Variants in PRPF6 observed in about 807,000 individuals in gnomAD.
PRPF6 encodes the protein pre-mRNA-processing factor 6.
PRPF6 carries 42 observed loss-of-function variants against 118.3 expected under a neutral mutation model. The ratio of observed to expected loss-of-function variants is 0.35; its 90% CI spans 0.28 to 0.46. The LOEUF (loss-of-function observed/expected upper bound fraction) is 0.46. PRPF6 is among the 20% of genes least tolerant of loss of function. PRPF6 has a pLI of 1.00. For synonymous variants in PRPF6, 481 were observed against 485.1 expected (o/e 0.99, Z 0.11); for missense variants, 662 against 1,255.7 (o/e 0.53, Z 7.15).
intron 3 of PRPF6, among the ~76,000 whole-genome samples, chr20:63,985,296 C>T (rs2059088393): frequency 6.6e-6 from 1 of 151,532 alleles, no homozygotes; most frequent in Non-Finnish European, 1.5e-5. Context: ...GAGGTAGAAA[C>T]TGCAGTGAGC....
intron 4 of PRPF6, among the ~76,000 whole-genome samples, 183 bp from the exon 5 acceptor site, chr20:63,994,733 T>A (rs549577672): frequency 6.6e-6 from 1 of 152,320 alleles, no homozygotes; most frequent in South Asian, 2.1e-4. Flanking sequence ...ATTGTGCCAC[T>A]GAATCCAGCC....
intron 11 of PRPF6, among the ~76,000 whole-genome samples, chr20:64,016,383 C>A (rs545250919): frequency 2.6e-5 from 4 of 152,182 alleles, no homozygotes; most frequent in South Asian, 4.2e-4. Context: ...CTCGACCTCC[C>A]AAAGTGCTGG....
rs376119725 is a variant in PRPF6, at chr20:64,024,547, T to C, written c.1770-8T>C. On this transcript the variant is annotated splice_polypyrimidine_tract_variant and splice_region_variant and intron_variant, in intron 13 of 20. Coordinates refer to ENST00000266079, the MANE Select transcript of PRPF6 (RefSeq NM_012469.4). ...TGCCTCTGGTGACCGTGGCCTCTTA[T>C]CTTGCAGGGAGTCCCTGGAAGCACT... is the stretch of plus-strand genomic sequence containing the variant. 1.2e-6 allele frequency: 2 copies of C among 1,613,328 alleles called. No individual in the cohort carries two copies. The highest frequency in any genetic ancestry group is 1.7e-6 in the Non-Finnish European group (2 of 1,179,988).
chr20:64,002,014 GTTTTTTTT>G (rs386394238), intron 9 of PRPF6, among the ~76,000 whole-genome samples: 3 of 83,264 alleles, frequency 3.6e-5, no homozygotes. Flanking sequence ...TTTTTTTCTG[GTTTTTTTT>G]TTTTTTTTTT....
chr20:63,992,424 G>C (rs141856416), intron 3 of PRPF6, among the ~76,000 whole-genome samples: 233 of 152,114 alleles, frequency 1.5e-3, no homozygotes, highest in African/African-American at 5.2e-3. Context: ...ACCACGCCTG[G>C]CTAATTTTCA....
At chr20:64,025,788 C>T (rs1320406507) in intron 14 of PRPF6, 151 bp from the exon 15 acceptor site, 14 of 1,408,830 alleles carry the variant, frequency 9.9e-6, no homozygotes, top group Non-Finnish European at 1.4e-5. Flanking sequence ...TCGGCTCTGT[C>T]ATCTCCTCCC....
chr20:64,007,830 T>A (rs534519338), intron 9 of PRPF6, among the ~76,000 whole-genome samples: 2 of 152,046 alleles, frequency 1.3e-5, no homozygotes, highest in Non-Finnish European at 2.9e-5. Flanking sequence ...CAGGCTAGAG[T>A]GCAGTGTCAC....
chr20:64,025,152 C>T (rs1285924490), intron 14 of PRPF6, among the ~76,000 whole-genome samples: 1 of 152,174 alleles, frequency 6.6e-6, no homozygotes, highest in Non-Finnish European at 1.5e-5. Flanking sequence ...AAGTCTGTTA[C>T]TGTAGCTCAG....
chr20:64,016,926 C>T, intron 12 of PRPF6, 81 bp downstream of exon 12: 2 of 1,559,496 alleles, frequency 1.3e-6, no homozygotes, highest in South Asian at 1.1e-5. Context: ...AACTACTAGG[C>T]TATTTTAAAA....
intron 1 of PRPF6, 61 bp downstream of exon 1, chr20:63,981,377 G>A (rs1601504324): frequency 5.4e-6 from 8 of 1,477,770 alleles, no homozygotes; most frequent in South Asian, 1.2e-5. Flanking sequence ...AGTGCTTTGG[G>A]GCGTGTTTGG....
At position 63,981,209 on chromosome 20, in the gene PRPF6, A is replaced by T. The variant is rs1185145433; in HGVS notation, c.-37A>T. 1 of 1,580,266 alleles carries T rather than the reference A, an allele frequency of 6.3e-7. No homozygotes were observed. Among genetic ancestry groups the T allele is most frequent in the Non-Finnish European group, 8.6e-7 (1 of 1,161,244 alleles). On this transcript the variant is annotated 5_prime_UTR_variant, in exon 1 of 21. Coordinates refer to ENST00000266079, the MANE Select transcript of PRPF6 (RefSeq NM_012469.4). Reference sequence around the variant, plus strand: ...GCGTCTTTCCCTCTTCCGCTGCCTCATTCCTTTCCTTCCTAGCCTTGGTCG... The same window carrying T: ...GCGTCTTTCCCTCTTCCGCTGCCTCTTTCCTTTCCTTCCTAGCCTTGGTCG...
At chr20:63,995,164 G>A in intron 5 of PRPF6, 72 bp downstream of exon 5, 1 of 1,607,210 alleles carries the variant, frequency 6.2e-7, no homozygotes, top group South Asian at 1.1e-5. Flanking sequence ...GGTGGGTGGT[G>A]TTGGATTCAA....
At chr20:64,030,052 G>A (rs1482924053) in intron 19 of PRPF6, among the ~76,000 whole-genome samples, 3 of 152,258 alleles carry the variant, frequency 2.0e-5, no homozygotes, top group Non-Finnish European at 2.9e-5. Context: ...AGGCAGCAGC[G>A]GGTAGCCATG....
rs906347878 is a variant in PRPF6, at chr20:63,999,039, T to C, written c.772-6T>C. On this transcript the variant is annotated splice_polypyrimidine_tract_variant and splice_region_variant and intron_variant, in intron 6 of 20. Transcript: ENST00000266079. ...CAGCTGACTCTTAGCTTGGCCTGTC[T>C]CACAGGTGTCTGACTCCGTGAGTGG... 1 of 1,612,114 alleles carries C rather than the reference T, an allele frequency of 6.2e-7. No homozygotes were observed. Among genetic ancestry groups the C allele is most frequent in the Non-Finnish European group, 8.5e-7 (1 of 1,178,698 alleles).
intron 1 of PRPF6, 60 bp downstream of exon 1, chr20:63,981,376 G>A: frequency 6.8e-7 from 1 of 1,477,160 alleles, no homozygotes; most frequent in Non-Finnish European, 9.2e-7. Flanking sequence ...CAGTGCTTTG[G>A]GGCGTGTTTG....
Position 64,028,547 on chromosome 20 carries a change from G to A in PRPF6, c.2409G>A (p.Ala803=), listed in dbSNP as rs750087998. 20 of 1,613,468 alleles carry A rather than the reference G, an allele frequency of 1.2e-5. No individual in the cohort carries two copies. The highest frequency in any genetic ancestry group is 2.2e-5 in the East Asian group (1 of 44,886). The change falls in exon 18 of 21, where the codon GCG becomes GCA. Residue 803 remains alanine, a synonymous_variant. Transcript: ENST00000266079. The surrounding 1 kb of genome is among the most constrained non-coding windows in gnomAD (Gnocchi z 6.5). ...TCGCAAATACACTCATGGCCAAGGC[G>A]CTGCAGGAGTGCCCCAACTCCGGTA... ...KNIANTLMAK[A]LQECPNSGIL... is the part of the protein sequence containing the mutation.
intron 12 of PRPF6, among the ~76,000 whole-genome samples, chr20:64,017,336 G>C (rs1232694581): frequency 1.5e-4 from 21 of 142,400 alleles, no homozygotes; most frequent in Middle Eastern, 4.0e-3. Context: ...CGGCCTCCCA[G>C]AGTGCTGGGA....
Position 64,032,980 on chromosome 20 carries a change from AG to A in PRPF6, c.2814del (p.Asn939ThrfsTer5). On this transcript the variant is annotated frameshift_variant, in exon 21 of 21. Transcript: ENST00000266079. LOFTEE classifies it high-confidence loss of function. The part of the protein sequence containing the change: ...DILRLVAGRI[K>X]NTF Reference sequence around the variant, plus strand: ...CTTAGGCTGGTGGCCGGCCGCATCAAGAACACCTTCTGATTGAGCGGTTGCC... The same window carrying A: ...CTTAGGCTGGTGGCCGGCCGCATCAAAACACCTTCTGATTGAGCGGTTGCC... 1 of 1,613,324 alleles carries A rather than the reference AG, an allele frequency of 6.2e-7. No homozygotes were observed. Among genetic ancestry groups the A allele is most frequent in the Non-Finnish European group, 8.5e-7 (1 of 1,180,014 alleles).
rs969392760 is a variant in PRPF6 at position 64,028,384 on chromosome 20, G to A, written c.2340-94G>A. The A allele has an allele frequency of 3.1e-6, 4 of 1,290,934 alleles. No homozygotes were observed. The African/African-American group carries it at 4.4e-5, about 14-fold the overall frequency. The allele number at this position is 1,290,934 out of a possible 1,614,324, so 80.0% of individuals were successfully genotyped here. On this transcript the variant is annotated intron_variant, in intron 17 of 20. Transcript: ENST00000266079. This position sits in a 1 kb window ranked among gnomAD's most constrained non-coding sequence, Gnocchi z 6.5. ...ATGGAGTTTTTGCTGCTGTGACTGG[G>A]TGGAGAGCCCTTTCAGACAAGGCTT...
Sources: gnomAD v4.1 joint callset for allele counts (sites outside exome capture counted in the v4.1 genomes callset) on GRCh38, gnomAD v4.1.1 for gene constraint, Gnocchi (gnomAD v3.1) non-coding constraint, MANE v1.5 for transcripts, NCBI Gene and HGNC (gene_info 2026-07-23, HGNC 2026-07-21) for gene names.